Variants in ATG10 observed in about 807,000 individuals in gnomAD.
The protein encoded by ATG10 is autophagy related 10, also known as ubiquitin-like-conjugating enzyme ATG10.
A neutral mutation model predicts 32.1 loss-of-function variants in ATG10; 30 were observed. The observed-to-expected ratio is 0.94, with a 90% CI of 0.70 to 1.27. The LOEUF is 1.27. Among genes scored for constraint, ATG10 ranks in the 50% most tolerant of loss-of-function variants. ATG10 has a pLI of 0.00. For missense variants in ATG10, 233 were observed against 262.3 expected, an observed-to-expected ratio of 0.89 and a Z score of 0.77; for synonymous variants, 87 against 91.5, an observed-to-expected ratio of 0.95 and a Z score of 0.28.
intron 2 of ATG10, among the ~76,000 whole-genome samples, chr5:82,017,648 CTATT>C (rs1762326345): frequency 1.3e-5 from 2 of 152,052 alleles, no homozygotes; most frequent in Non-Finnish European, 2.9e-5. Flanking sequence ...TTAACAAAAA[CTATT>C]TGTTTTAGAA....
At chr5:82,137,233 C>T (rs1288819325) in intron 3 of ATG10, among the ~76,000 whole-genome samples, 3 of 152,120 alleles carry the variant, frequency 2.0e-5, no homozygotes, top group Non-Finnish European at 4.4e-5. Flanking sequence ...AACTCATTCT[C>T]CATCAAGTTT....
chr5:82,164,480 G>A lies in ATG10; in HGVS notation c.298G>A (p.Val100Ile), dbSNP rs779543746. The A allele has an allele frequency of 6.2e-7, 1 of 1,612,808 alleles. No homozygotes were observed. The highest frequency in any genetic ancestry group is 1.1e-5 in the South Asian group (1 of 91,058). The change falls in exon 4 of 8, where the codon GTC (valine) becomes ATC (isoleucine). Residue 100 changes from valine to isoleucine, a missense_variant. Physicochemically the swap from Val to Ile is conservative, Grantham distance 29 (BLOSUM62 3). Transcript: ENST00000282185. The stretch of plus-strand genomic sequence containing the variant: ...CGAAGTGATTAAATATGAGTATCAT[G>A]TCTTATATTCCTGTAGCTACCAAGT... ...ASEVIKYEYH[V>I]LYSCSYQVPV...
intron 5 of ATG10, among the ~76,000 whole-genome samples, chr5:82,188,036 C>A (rs562618593): frequency 6.6e-6 from 1 of 152,140 alleles, no homozygotes; most frequent in Non-Finnish European, 1.5e-5. Context: ...GACCACTAAC[C>A]GCTCATTAAG....
intron 3 of ATG10, among the ~76,000 whole-genome samples, chr5:82,063,859 A>AG (rs2149758045): frequency 6.6e-6 from 1 of 152,304 alleles, no homozygotes; most frequent in African/African-American, 2.4e-5. Flanking sequence ...GAGAGGATCA[A>AG]GAAAAATAAC....
chr5:82,090,075 C>T (rs199997135), intron 3 of ATG10, among the ~76,000 whole-genome samples: 1 of 140,522 alleles, frequency 7.1e-6, no homozygotes, highest in African/African-American at 2.5e-5. Context: ...AAAAAAAAAA[C>T]CCAAAACCAA....
chr5:82,148,097 A>C (rs1227373926), intron 3 of ATG10: 3 of 152,154 alleles, frequency 2.0e-5, no homozygotes, highest in Non-Finnish European at 2.9e-5. Context: ...TTTATTAATA[A>C]AGTTTTGTTG....
chr5:82,139,152 T>C (rs1461570580), intron 3 of ATG10, among the ~76,000 whole-genome samples: 1 of 143,834 alleles, frequency 7.0e-6, no homozygotes, highest in Non-Finnish European at 1.5e-5. Flanking sequence ...TGCTCAATGG[T>C]GCCCAGGCTG....
intron 3 of ATG10, among the ~76,000 whole-genome samples, chr5:82,140,142 G>A (rs1581733476): frequency 8.9e-6 from 1 of 111,882 alleles, no homozygotes; most frequent in Non-Finnish European, 1.9e-5. Context: ...GCCCCTTCTG[G>A]GAAGTGAGGA....
rs562555462 is a variant in ATG10 at position 82,135,814 on chromosome 5, T to C, written c.217-28585T>C. Among the ~76,000 whole-genome samples the C allele has an allele frequency of 2.6e-5, 4 of 152,290 alleles. No individual in the cohort carries two copies. In the South Asian group the frequency reaches 8.3e-4, roughly 32 times the overall value. On this transcript the variant is annotated intron_variant, in intron 3 of 7. Transcript: ENST00000282185. ...TTGTTGATCTTTCTAATATTGACAG[T>C]GGGGTGTTAAAGTCTCCCACTATTA...
rs538948817 is a variant in ATG10 at position 82,071,955 on chromosome 5, G to T, written c.216+13353G>T. Among the ~76,000 whole-genome samples the T allele has an allele frequency of 3.9e-5, 6 of 152,292 alleles. 1 individual carries two copies. In the South Asian group the frequency reaches 1.2e-3, roughly 32 times the overall value. On this transcript the variant is annotated intron_variant, in intron 3 of 7. Transcript: ENST00000282185. ...AAAGCTGAGTTTTAAACACCAGGAAGTGTCCAAAGAATTGGAGGGAGTGAT... is the reference window on the plus strand; with the variant it reads ...AAAGCTGAGTTTTAAACACCAGGAATTGTCCAAAGAATTGGAGGGAGTGAT...
intron 4 of ATG10, among the ~76,000 whole-genome samples, chr5:82,171,674 C>T (rs1743814360): frequency 6.6e-6 from 1 of 152,192 alleles, no homozygotes; most frequent in African/African-American, 2.4e-5. Context: ...GCTATAGCTG[C>T]ATCTGCTTAA....
At chr5:82,031,414 A>G (rs1003239123) in intron 2 of ATG10, among the ~76,000 whole-genome samples, 3 of 152,216 alleles carry the variant, frequency 2.0e-5, no homozygotes, top group East Asian at 1.9e-4. Flanking sequence ...ACACCAGATA[A>G]GAAGGGTAAC....
chr5:82,116,694 C>T (rs772545847), intron 3 of ATG10, among the ~76,000 whole-genome samples: 30 of 152,184 alleles, frequency 2.0e-4, no homozygotes, highest in African/African-American at 5.3e-4. Context: ...CATCTGGCTA[C>T]GCCTCCCGAA....
intron 1 of ATG10, among the ~76,000 whole-genome samples, chr5:81,982,148 C>G (rs1375989555): frequency 1.3e-5 from 2 of 152,198 alleles, no homozygotes; most frequent in African/African-American, 2.4e-5. Context: ...GAGTAAGACT[C>G]AAGCAAAATG....
chr5:82,164,468 T>C lies in ATG10; in HGVS notation c.286T>C (p.Tyr96His). Residue 96 changes from tyrosine to histidine, a missense_variant, in exon 4 of 8, where the codon TAT (tyrosine) becomes CAT (histidine). Transcript: ENST00000282185. ...TGCAGCAGCGTCCGAAGTGATTAAA[T>C]ATGAGTATCATGTCTTATATTCCTG... is the stretch of plus-strand genomic sequence containing the variant. ...ETAAASEVIK[Y>H]EYHVLYSCSY... 1 of 1,613,730 alleles carries C rather than the reference T, an allele frequency of 6.2e-7. No individual in the cohort carries two copies. The highest frequency in any genetic ancestry group is 8.5e-7 in the Non-Finnish European group (1 of 1,179,650).
intron 3 of ATG10, among the ~76,000 whole-genome samples, chr5:82,131,200 A>G (rs1416476740): frequency 6.6e-6 from 1 of 152,166 alleles, no homozygotes; most frequent in Non-Finnish European, 1.5e-5. Flanking sequence ...CTGTACCCTC[A>G]TATCTAAAAT....
chr5:82,189,645 A>G (rs1744582075), intron 5 of ATG10, among the ~76,000 whole-genome samples: 1 of 151,690 alleles, frequency 6.6e-6, no homozygotes, highest in Non-Finnish European at 1.5e-5. Context: ...TTTTTTGGAG[A>G]TAGGGTCTCA....
intron 1 of ATG10, among the ~76,000 whole-genome samples, chr5:81,983,389 G>C (rs1470574067): frequency 6.9e-6 from 1 of 144,712 alleles, no homozygotes; most frequent in East Asian, 2.1e-4. Flanking sequence ...CCTCCCGGAC[G>C]GGGTGGCTGG....
intron 1 of ATG10, among the ~76,000 whole-genome samples, chr5:81,985,778 T>C (rs909149132): frequency 8.5e-5 from 13 of 152,342 alleles, no homozygotes; most frequent in African/African-American, 3.1e-4. Context: ...TTACTTTTTT[T>C]CTGAGACGGA....
Sources: gnomAD v4.1 joint callset for allele counts (sites outside exome capture counted in the v4.1 genomes callset) on GRCh38, gnomAD v4.1.1 for gene constraint, MANE v1.5 for transcripts, NCBI Gene and HGNC (gene_info 2026-07-23, HGNC 2026-07-21) for gene names.